PTPRZ1: variants seen among roughly 807,000 people sequenced by gnomAD.
PTPRZ1 encodes the protein receptor-type tyrosine-protein phosphatase zeta.
In PTPRZ1, 82 loss-of-function variants were observed where a neutral mutation model predicts 214.1. That is an observed-to-expected ratio of 0.38 (90% CI 0.32 to 0.46). PTPRZ1 has a LOEUF of 0.46. PTPRZ1 is among the 20% of genes least tolerant of loss of function. The pLI is 1.00. For synonymous variants in PTPRZ1, 945 were observed against 987.9 expected, an observed-to-expected ratio of 0.96 and a Z score of 0.81; for missense variants, 2,603 against 2,748.7, an observed-to-expected ratio of 0.95 and a Z score of 1.19.
At chr7:122,004,894 A>C (rs1798438050) in intron 11 of PTPRZ1, among the ~76,000 whole-genome samples, 2 of 152,034 alleles carry the variant, frequency 1.3e-5, no homozygotes, top group African/African-American at 4.8e-5. Flanking sequence ...AAGAAATATA[A>C]ATGGTGATGA....
intron 17 of PTPRZ1, 42 bp downstream of exon 17, chr7:122,034,420 C>G: frequency 6.4e-7 from 1 of 1,571,074 alleles, no homozygotes; most frequent in Non-Finnish European, 8.7e-7. Context: ...AATATCATTG[C>G]CATTTTGGTG....
chr7:121,976,077 A>G, intron 4 of PTPRZ1, 96 bp from the exon 5 acceptor site: 2 of 758,976 alleles, frequency 2.6e-6, no homozygotes, highest in South Asian at 4.2e-5. Context: ...CATGTAATTT[A>G]TAAAAGATTT....
At chr7:122,014,436 A>G (rs572735849) in intron 12 of PTPRZ1, among the ~76,000 whole-genome samples, 1 of 151,700 alleles carries the variant, frequency 6.6e-6, no homozygotes, top group Admixed American at 6.6e-5. Flanking sequence ...TTATTATTTA[A>G]TTAATTAATT....
At chr7:121,885,709 A>C (rs1051576753) in intron 1 of PTPRZ1, among the ~76,000 whole-genome samples, 1 of 152,198 alleles carries the variant, frequency 6.6e-6, no homozygotes, top group Admixed American at 6.6e-5. Context: ...AAATGGCAAA[A>C]TGCCCATAAG....
chr7:121,894,228 C>A (rs1794721234), intron 1 of PTPRZ1, among the ~76,000 whole-genome samples: 1 of 152,148 alleles, frequency 6.6e-6, no homozygotes, highest in South Asian at 2.1e-4. Flanking sequence ...AAAACCCTTC[C>A]CAGCATTAAA....
Position 121,935,544 on chromosome 7 carries a change from T to TTTTGTTTG in PTPRZ1, c.124+7351_124+7358dup, listed in dbSNP as rs200251497. Among the ~76,000 whole-genome samples, 277 of 131,192 alleles carry TTTTGTTTG rather than the reference T, an allele frequency of 2.1e-3. 1 individual carries two copies. The highest frequency in any genetic ancestry group is 2.6e-3 in the South Asian group (11 of 4,242). 86.1% of individuals were successfully genotyped at this position (131,192 alleles called of 152,430 possible). Reference sequence around the variant, plus strand: ...TTTTGTTTTTGTTTTTTGGGGTTTTTTTTGTTTGTTTGTTTGTTTGTTTGT... The same window carrying TTTTGTTTG: ...TTTTGTTTTTGTTTTTTGGGGTTTTTTTTGTTTGTTTGTTTGTTTGTTTGTTTGTTTGT... On this transcript the variant is annotated intron_variant, in intron 2 of 29. Coordinates refer to ENST00000393386, the MANE Select transcript of PTPRZ1 (RefSeq NM_002851.3).
chr7:121,888,385 T>G (rs572509440), intron 1 of PTPRZ1, among the ~76,000 whole-genome samples: 2 of 152,082 alleles, frequency 1.3e-5, no homozygotes, highest in East Asian at 3.9e-4. Context: ...GGGCAAACGT[T>G]TAGGGGAATA....
chr7:121,875,048 A>G (rs1203563112), intron 1 of PTPRZ1, among the ~76,000 whole-genome samples: 1 of 152,170 alleles, frequency 6.6e-6, no homozygotes, highest in Admixed American at 6.6e-5. Flanking sequence ...TCTTTGAAAA[A>G]AAAAAAAAGA....
At chr7:121,937,333 T>C (rs1028594414) in intron 2 of PTPRZ1, among the ~76,000 whole-genome samples, 3 of 151,806 alleles carry the variant, frequency 2.0e-5, no homozygotes, top group Admixed American at 6.6e-5. Context: ...CAGGAGACAG[T>C]TGGGGGACTG....
At position 121,968,031 on chromosome 7, in the gene PTPRZ1, G is replaced by A. The variant is rs368354796; in HGVS notation, c.205G>A (p.Asp69Asn). 2.3e-5 allele frequency: 36 copies of A among 1,593,560 alleles called. No homozygotes were observed. Among genetic ancestry groups the A allele is most frequent in the Non-Finnish European group, 3.0e-5 (35 of 1,164,432 alleles). Reference sequence around the variant, plus strand: ...ACAATCTCCTATCAATATTGATGAAGATCTTACACAAGTAAATGTGAATCT... The same window carrying A: ...ACAATCTCCTATCAATATTGATGAAAATCTTACACAAGTAAATGTGAATCT... ...PKQSPINIDE[D>N]LTQVNVNLKK... The change falls in exon 3 of 30, where the codon GAT becomes AAT. Residue 69 changes from aspartate (D) to asparagine (N), a missense_variant. Asp to Asn is a conservative substitution (Grantham distance 23, BLOSUM62 1). Coordinates refer to ENST00000393386, the MANE Select transcript of PTPRZ1 (RefSeq NM_002851.3).
chr7:121,942,615 G>T (rs527642414), intron 2 of PTPRZ1, among the ~76,000 whole-genome samples: 1 of 152,132 alleles, frequency 6.6e-6, no homozygotes. Context: ...GATTTAAAAC[G>T]TAAGTCTCAT....
intron 1 of PTPRZ1, 30 bp downstream of exon 1, chr7:121,873,587 G>A: frequency 6.2e-7 from 1 of 1,611,762 alleles, no homozygotes; most frequent in Non-Finnish European, 8.5e-7. Flanking sequence ...TGGGGTTTCA[G>A]CTCCGGGATC....
At position 122,012,559 on chromosome 7, in the gene PTPRZ1, G is replaced by A. The variant is rs1258341780; in HGVS notation, c.3513G>A (p.Glu1171=). 1.9e-6 allele frequency: 3 copies of A among 1,613,808 alleles called. No homozygotes were observed. The highest frequency in any genetic ancestry group is 2.5e-6 in the Non-Finnish European group (3 of 1,179,770). The change falls in exon 12 of 30, where the codon GAG becomes GAA. Residue 1171 remains glutamate, a synonymous_variant. Coordinates refer to ENST00000393386, the MANE Select transcript of PTPRZ1 (RefSeq NM_002851.3). ...LSPSTQLLFY[E]TSASFSTEVL... ...CTTCAACTCAGCTCTTATTTTATGA[G>A]ACCTCAGCTTCTTTTAGTACTGAAG...
At chr7:122,054,744 T>G (rs934215936) in intron 26 of PTPRZ1, among the ~76,000 whole-genome samples, 197 bp from the exon 27 acceptor site, 3 of 152,102 alleles carry the variant, frequency 2.0e-5, no homozygotes, top group Non-Finnish European at 2.9e-5. Context: ...AGCAATAGTT[T>G]GGGTTCCTAA....
chr7:121,980,405 A>G (rs1797569349), intron 6 of PTPRZ1, among the ~76,000 whole-genome samples: 1 of 152,226 alleles, frequency 6.6e-6, no homozygotes, highest in South Asian at 2.1e-4. Context: ...AAAAAAAAAT[A>G]TTCTTCTTAG....
At chr7:121,981,773 T>G (rs1326111748) in intron 6 of PTPRZ1, among the ~76,000 whole-genome samples, 19 of 144,330 alleles carry the variant, frequency 1.3e-4, no homozygotes, top group Admixed American at 6.1e-4. Flanking sequence ...TATTTATTGG[T>G]GTGTGTGTGT....
Position 122,054,019 on chromosome 7 carries a change from T to G in PTPRZ1, c.6362T>G (p.Ile2121Ser), listed in dbSNP as rs758594832. 4 of 1,613,100 alleles carry G rather than the reference T, an allele frequency of 2.5e-6. No individual in the cohort carries two copies. In the East Asian group the frequency reaches 8.9e-5, roughly 36 times the overall value. Reference sequence around the variant, plus strand: ...CATAATGCCCAACTGGTGGTTATGATTCCTGATGGCCAAAACATGGTAAGT... The same window carrying G: ...CATAATGCCCAACTGGTGGTTATGAGTCCTGATGGCCAAAACATGGTAAGT... ...WDHNAQLVVM[I>S]PDGQNMAEDE... is the part of the protein sequence containing the mutation. The change falls in exon 26 of 30, where the codon ATT (isoleucine) becomes AGT (serine). Residue 2121 changes from isoleucine to serine, a missense_variant. By Grantham distance (142) the Ile-to-Ser change is moderately radical. This residue lies in a region of PTPRZ1 where 134 missense variants were observed against 183.3 expected (regional missense o/e 0.73). Coordinates refer to ENST00000393386, the MANE Select transcript of PTPRZ1 (RefSeq NM_002851.3).
chr7:121,995,774 G>T (rs1916874), intron 8 of PTPRZ1, among the ~76,000 whole-genome samples: 13,553 of 152,110 alleles, frequency 0.089, 856 homozygotes, highest in East Asian at 0.24. Flanking sequence ...TTAGTTCAAG[G>T]ATTGTCTAAT....
At chr7:121,938,460 A>G (rs1796149526) in intron 2 of PTPRZ1, among the ~76,000 whole-genome samples, 1 of 152,242 alleles carries the variant, frequency 6.6e-6, no homozygotes, top group Non-Finnish European at 1.5e-5. Context: ...GAGGGAAAAT[A>G]AACTTCATAT....
Sources: gnomAD v4.1 joint callset for allele counts (sites outside exome capture counted in the v4.1 genomes callset) on GRCh38, gnomAD v4.1.1 for gene constraint, gnomAD v4.1.1 regional missense constraint, MANE v1.5 for transcripts, NCBI Gene and HGNC (gene_info 2026-07-23, HGNC 2026-07-21) for gene names.